Variants in SEM1 observed in about 807,000 individuals in gnomAD.
The protein encoded by SEM1 is SEM1 26S proteasome subunit.
A neutral mutation model predicts 12.7 loss-of-function variants in SEM1; 3 were observed. The observed-to-expected ratio is 0.24, with a 90% CI of 0.11 to 0.61. The LOEUF is 0.61. SEM1 is among the 20% of genes least tolerant of loss of function. The pLI is 0.88. For synonymous variants in SEM1, 30 were observed against 27.8 expected, an observed-to-expected ratio of 1.08 and a Z score of -0.25; for missense variants, 59 against 81.3, an observed-to-expected ratio of 0.73 and a Z score of 1.06.
intron 2 of SEM1, among the ~76,000 whole-genome samples, chr7:96,560,531 T>C (rs544645730): frequency 6.6e-6 from 1 of 152,272 alleles, no homozygotes; most frequent in South Asian, 2.1e-4. Flanking sequence ...GAATATCAAC[T>C]CTTTGTTGGC....
intron 2 of SEM1, among the ~76,000 whole-genome samples, chr7:96,601,854 G>A (rs535025192): frequency 3.2e-4 from 49 of 152,242 alleles, no homozygotes; most frequent in African/African-American, 1.2e-3. Flanking sequence ...TGGATAGGGA[G>A]GTACCAGTGA....
chr7:96,522,722 A>ACC (rs112781467), intron 2 of SEM1, among the ~76,000 whole-genome samples: 3,831 of 120,454 alleles, frequency 0.032, 187 homozygotes, highest in African/African-American at 0.093. Flanking sequence ...TACTAAAAAT[A>ACC]CCCCCCCCCC....
At chr7:96,680,930 G>C (rs527311465) in intron 2 of SEM1, among the ~76,000 whole-genome samples, 12 of 152,208 alleles carry the variant, frequency 7.9e-5, no homozygotes, top group African/African-American at 2.9e-4. Flanking sequence ...CAGTATTGGA[G>C]AGCAATTTTT....
upstream of SEM1, among the ~76,000 whole-genome samples, chr7:96,496,546 G>C (rs1584707691): frequency 6.6e-6 from 1 of 151,892 alleles, no homozygotes; most frequent in African/African-American, 2.4e-5. Flanking sequence ...TATCTAAAAG[G>C]TTATTACTGA....
chr7:96,570,659 CAT>C, intron 2 of SEM1, among the ~76,000 whole-genome samples: 1 of 152,268 alleles, frequency 6.6e-6, no homozygotes, highest in East Asian at 1.9e-4. Flanking sequence ...AAACGATAAA[CAT>C]ATGTGTGCAT....
intron 1 of SEM1, among the ~76,000 whole-genome samples, chr7:96,697,872 T>TAAA (rs1790147550): frequency 3.3e-5 from 5 of 152,144 alleles, no homozygotes; most frequent in Non-Finnish European, 7.4e-5. Flanking sequence ...AATTATTTTT[T>TAAA]TTGAAAATTT....
intron 2 of SEM1, among the ~76,000 whole-genome samples, chr7:96,691,275 G>C (rs1000280227): frequency 7.2e-5 from 11 of 152,180 alleles, no homozygotes. Context: ...GACGAATGTG[G>C]AAAGTGGGGG....
At chr7:96,683,371 A>C (rs1277885086) in intron 2 of SEM1, among the ~76,000 whole-genome samples, 1 of 152,010 alleles carries the variant, frequency 6.6e-6, no homozygotes, top group Non-Finnish European at 1.5e-5. Flanking sequence ...GATCACTAAA[A>C]AGTCAGGAAA....
intron 1 of SEM1, among the ~76,000 whole-genome samples, chr7:96,486,840 G>A (rs1802790126): frequency 6.6e-6 from 1 of 152,116 alleles, no homozygotes; most frequent in Admixed American, 6.5e-5. Flanking sequence ...TTCCAGTTAC[G>A]CCAGTTAAAC....
chr7:96,615,522 T>C (rs938548766), intron 2 of SEM1, among the ~76,000 whole-genome samples: 9 of 152,196 alleles, frequency 5.9e-5, no homozygotes, highest in African/African-American at 2.2e-4. Context: ...CCCAAAGTGC[T>C]GGGATTACAG....
intron 2 of SEM1, among the ~76,000 whole-genome samples, chr7:96,556,327 A>G (rs1385172986): frequency 6.6e-6 from 1 of 151,782 alleles, no homozygotes; most frequent in Non-Finnish European, 1.5e-5. Flanking sequence ...AGCGGCTGGT[A>G]CCGGTTGTTC....
intron 2 of SEM1, among the ~76,000 whole-genome samples, chr7:96,529,925 C>T (rs887213488): frequency 6.6e-6 from 1 of 152,058 alleles, no homozygotes; most frequent in African/African-American, 2.4e-5. Context: ...ATCCCTGGCT[C>T]CTAGCATAAA....
At chr7:96,695,012 G>C (rs1790044597) in intron 1 of SEM1, 121 bp from the exon 2 acceptor site, 2 of 631,254 alleles carry the variant, frequency 3.2e-6, no homozygotes, top group Non-Finnish European at 5.5e-6. Context: ...CCATATCTAT[G>C]AAAAATGGTA....
intron 2 of SEM1, among the ~76,000 whole-genome samples, chr7:96,595,532 A>G (rs898504319): frequency 6.6e-6 from 1 of 151,990 alleles, no homozygotes; most frequent in Admixed American, 6.6e-5. Context: ...CAAACAAACC[A>G]TTGTCATATG....
chr7:96,651,371 T>C (rs1306012490), intron 2 of SEM1, among the ~76,000 whole-genome samples: 1 of 152,100 alleles, frequency 6.6e-6, no homozygotes, highest in Non-Finnish European at 1.5e-5. Flanking sequence ...GTGAGGAAGT[T>C]TTTCTGGAAT....
At chr7:96,695,048 G>T in intron 1 of SEM1, 157 bp from the exon 2 acceptor site, 1 of 450,332 alleles carries the variant, frequency 2.2e-6, no homozygotes. Context: ...AGCTTATGCT[G>T]TCTAGTTCTC....
chr7:96,679,322 A>T (rs142199491), intron 2 of SEM1, among the ~76,000 whole-genome samples: 219 of 152,246 alleles, frequency 1.4e-3, no homozygotes, highest in African/African-American at 5.1e-3. Flanking sequence ...AATCATTAAG[A>T]CACATCCTAT....
At chr7:96,608,728 T>C (rs1204812473) in intron 2 of SEM1, among the ~76,000 whole-genome samples, 1 of 152,250 alleles carries the variant, frequency 6.6e-6, no homozygotes, top group African/African-American at 2.4e-5. Context: ...ACAAGGTTCA[T>C]CCATGCTGTA....
upstream of SEM1, among the ~76,000 whole-genome samples, chr7:96,498,167 A>C (rs1003104764): frequency 6.6e-6 from 1 of 152,220 alleles, no homozygotes; most frequent in African/African-American, 2.4e-5. Context: ...ATAATTGTAC[A>C]TTGTAGAGCT....
Sources: gnomAD v4.1 joint callset for allele counts (sites outside exome capture counted in the v4.1 genomes callset) on GRCh38, gnomAD v4.1.1 for gene constraint, MANE v1.5 for transcripts, NCBI Gene and HGNC (gene_info 2026-07-23, HGNC 2026-07-21) for gene names.